The following COX10 variants were observed in gnomAD, a reference collection of about 807,000 sequenced individuals.
COX10 encodes protoheme IX farnesyltransferase, mitochondrial.
In COX10, 27 loss-of-function variants were observed where a neutral mutation model predicts 37.3. The observed-to-expected ratio is 0.72, with a 90% CI of 0.53 to 1.00. COX10 has a LOEUF of 1.00. Ranked by LOEUF, COX10 falls within the 50% of genes least tolerant of loss-of-function variation. The probability of loss-of-function intolerance (pLI) is 0.00; values close to 1 mark genes in which losing one functional copy is unlikely to be tolerated. For synonymous variants in COX10, 222 were observed against 229.1 expected (o/e 0.97, Z 0.28); for missense variants, 475 against 563.2 (o/e 0.84, Z 1.59).
chr17:14,075,419 C>CCAA (rs1915119083), intron 2 of COX10, among the ~76,000 whole-genome samples: 1 of 152,116 alleles, frequency 6.6e-6, no homozygotes, highest in African/African-American at 2.4e-5. Context: ...ATAGGTGGCT[C>CCAA]CACTCCCATG....
intron 4 of COX10, among the ~76,000 whole-genome samples, chr17:14,124,609 C>T (rs150452378): frequency 1.1e-3 from 161 of 152,198 alleles, no homozygotes; most frequent in African/African-American, 3.7e-3. Context: ...ATATTCATTT[C>T]ATAACAGTTG....
chr17:14,093,558 G>T (rs1915575320), intron 3 of COX10, among the ~76,000 whole-genome samples: 1 of 152,190 alleles, frequency 6.6e-6, no homozygotes, highest in East Asian at 1.9e-4. Flanking sequence ...GTTAGAACTA[G>T]GGGCCTGGCT....
intron 5 of COX10, among the ~76,000 whole-genome samples, chr17:14,183,152 T>C (rs1301127174): frequency 6.7e-6 from 1 of 149,926 alleles, no homozygotes; most frequent in Non-Finnish European, 1.5e-5. Flanking sequence ...GGTAGAAAAA[T>C]CTCAAGCAGT....
chr17:14,182,382 T>G, intron 5 of COX10: 2 of 890,604 alleles, frequency 2.2e-6, no homozygotes, highest in Non-Finnish European at 2.7e-6. Context: ...CTTCTTATAT[T>G]CTTCGCATTT....
At chr17:14,153,877 A>G (rs1904971403) in intron 4 of COX10, among the ~76,000 whole-genome samples, 2 of 152,222 alleles carry the variant, frequency 1.3e-5, no homozygotes, top group African/African-American at 2.4e-5. Context: ...CCAAAAACCA[A>G]ATATCCATCA....
In COX10 at chr17:14,207,139, C is replaced by T. The variant is rs771946974; in HGVS notation, c.1258C>T (p.Pro420Ser). The change falls in exon 7 of 7, where the codon CCG becomes TCG. Residue 420 changes from proline (P) to serine (S), a missense_variant. By Grantham distance (74) the Pro-to-Ser change is moderately conservative. Coordinates refer to ENST00000261643, the MANE Select transcript of COX10 (RefSeq NM_001303.4). ...RLFFCSLWHL[P>S]LLLLLMLTCK... ...GTTCTTCTGCAGCCTGTGGCACCTGCCGCTGCTGCTGCTGCTCATGCTCAC... is the reference window on the plus strand; with the variant it reads ...GTTCTTCTGCAGCCTGTGGCACCTGTCGCTGCTGCTGCTGCTCATGCTCAC... The T allele has an allele frequency of 6.2e-7, 1 of 1,613,296 alleles. No individual in the cohort carries two copies. Among genetic ancestry groups the T allele is most frequent in the East Asian group, 2.2e-5 (1 of 44,876 alleles).
At chr17:14,174,185 C>T (rs1251287896) in intron 5 of COX10, among the ~76,000 whole-genome samples, 1 of 151,978 alleles carries the variant, frequency 6.6e-6, no homozygotes, top group African/African-American at 2.4e-5. Flanking sequence ...AGGGGCCGGG[C>T]ACAGTGGCTC....
At chr17:14,124,839 G>A (rs1327170375) in intron 4 of COX10, among the ~76,000 whole-genome samples, 1 of 152,062 alleles carries the variant, frequency 6.6e-6, no homozygotes, top group Non-Finnish European at 1.5e-5. Flanking sequence ...TTCACATGTT[G>A]GATCTTACTT....
chr17:14,204,982 C>A (rs1906651944), intron 6 of COX10, among the ~76,000 whole-genome samples: 1 of 152,042 alleles, frequency 6.6e-6, no homozygotes, highest in East Asian at 1.9e-4. Flanking sequence ...TGACGTGCAC[C>A]TATAGTGCCA....
chr17:14,200,578 G>A (rs1401893404), intron 6 of COX10, among the ~76,000 whole-genome samples: 2 of 152,112 alleles, frequency 1.3e-5, no homozygotes, highest in Non-Finnish European at 2.9e-5. Flanking sequence ...TGCACACCTG[G>A]ACATTCTATG....
intron 3 of COX10, among the ~76,000 whole-genome samples, chr17:14,088,315 C>T (rs1244421220): frequency 1.3e-5 from 2 of 151,980 alleles, no homozygotes; most frequent in East Asian, 3.9e-4. Context: ...TTTTAGTATC[C>T]TGTCTTTACC....
At position 14,207,172 on chromosome 17, in the gene COX10, C is replaced by A. The variant is rs113058506; in HGVS notation, c.1291C>A (p.Arg431=). The A allele has an allele frequency of 1.2e-6, 2 of 1,608,760 alleles. No individual in the cohort carries two copies. The highest frequency in any genetic ancestry group is 1.7e-6 in the Non-Finnish European group (2 of 1,178,418). The change falls in exon 7 of 7, where the codon CGG becomes AGG. Residue 431 remains arginine (R), a synonymous_variant. Transcript: ENST00000261643. The stretch of plus-strand genomic sequence containing the variant: ...GCTGCTGCTCATGCTCACCTGCAAG[C>A]GGCCGAGCGGAGGCGGGGACGCAGG... ...LLLLLMLTCK[R]PSGGGDAGPP...
chr17:14,165,746 C>CA (rs1318015526), intron 5 of COX10, among the ~76,000 whole-genome samples: 1 of 152,138 alleles, frequency 6.6e-6, no homozygotes, highest in Non-Finnish European at 1.5e-5. Context: ...CCTCTTGCAC[C>CA]AAACAGCCAT....
At chr17:14,096,511 A>G (rs1915658414) in intron 3 of COX10, among the ~76,000 whole-genome samples, 2 of 151,482 alleles carry the variant, frequency 1.3e-5, no homozygotes, top group African/African-American at 4.9e-5. Context: ...AGTAGCTATG[A>G]CTAAAGGCAC....
chr17:14,100,745 G>T (rs150211601), intron 3 of COX10, among the ~76,000 whole-genome samples: 1 of 152,220 alleles, frequency 6.6e-6, no homozygotes, highest in Admixed American at 6.5e-5. Context: ...AAGCAGCGAT[G>T]TGATTTGATC....
intron 1 of COX10, 53 bp from the exon 2 acceptor site, chr17:14,074,270 T>C (rs1915094136): frequency 6.2e-7 from 1 of 1,610,874 alleles, no homozygotes; most frequent in Admixed American, 1.7e-5. Flanking sequence ...AGTCATCATT[T>C]GATAAGAAGT....
chr17:14,171,581 C>T (rs1405159617), intron 5 of COX10, among the ~76,000 whole-genome samples: 1 of 151,720 alleles, frequency 6.6e-6, no homozygotes. Context: ...TCAGGGAATG[C>T]GTCTTGAAGC....
intron 6 of COX10, among the ~76,000 whole-genome samples, chr17:14,203,240 T>A (rs1036865508): frequency 5.3e-5 from 8 of 151,894 alleles, no homozygotes; most frequent in Middle Eastern, 3.4e-3. Context: ...TATATAAATT[T>A]TATATATATA....
At chr17:14,204,853 G>A (rs1906646957) in intron 6 of COX10, among the ~76,000 whole-genome samples, 1 of 152,220 alleles carries the variant, frequency 6.6e-6, no homozygotes. Flanking sequence ...TGTAATCTCT[G>A]TACTTTGAGA....
Sources: allele counts gnomAD v4.1 joint callset (sites outside exome capture counted in the v4.1 genomes callset), GRCh38; gene constraint gnomAD v4.1.1; transcripts MANE v1.5; gene names NCBI Gene and HGNC (gene_info 2026-07-23, HGNC 2026-07-21).